PIEZO2: variants seen among roughly 807,000 people sequenced by gnomAD.
PIEZO2 encodes the protein piezo-type mechanosensitive ion channel component 2.
PIEZO2 carries 172 observed loss-of-function variants against 337.3 expected under a neutral mutation model. That is an observed-to-expected ratio of 0.51 (90% CI 0.45 to 0.58). The LOEUF (loss-of-function observed/expected upper bound fraction) is 0.58. Among genes scored for constraint, PIEZO2 ranks in the 20% least tolerant of loss-of-function variants. PIEZO2 has a pLI of 0.00. For synonymous variants in PIEZO2, 1,251 were observed against 1,228.5 expected (o/e 1.02, Z -0.38); for missense variants, 3,028 against 3,391.3 (o/e 0.89, Z 2.66).
At chr18:10,797,007 T>C (rs1044854119) in intron 12 of PIEZO2, among the ~76,000 whole-genome samples, 1 of 151,864 alleles carries the variant, frequency 6.6e-6, no homozygotes, top group Non-Finnish European at 1.5e-5. Context: ...CATACCGTCA[T>C]AGCATACATA....
At position 10,677,539 on chromosome 18, in the gene PIEZO2, G is replaced by A. The variant is rs182920187; in HGVS notation, c.8081+208C>T. The A allele has an allele frequency of 4.3e-4, 213 of 499,242 alleles. 1 individual carries two copies. The highest frequency in any genetic ancestry group is 6.4e-4 in the Non-Finnish European group (190 of 294,702). The allele number at this position is 499,242 out of a possible 1,614,324, so 30.9% of individuals were successfully genotyped here. ...GGCCCAAACCCTCATTTGGAACATA[G>A]ACATAACCCTGGGGACAGTGGACAG... On this transcript the variant is annotated intron_variant, in intron 53 of 55. Transcript: ENST00000674853. The surrounding 1 kb of genome is among the most constrained non-coding windows in gnomAD (Gnocchi z 4.1).
intron 3 of PIEZO2, among the ~76,000 whole-genome samples, chr18:10,912,099 A>G (rs1242097891): frequency 6.6e-6 from 1 of 152,104 alleles, no homozygotes; most frequent in Non-Finnish European, 1.5e-5. Context: ...AAGAACACAA[A>G]AATGCTATTC....
In PIEZO2 at chr18:11,021,553, T is replaced by C. The variant is rs140033824; in HGVS notation, c.161-41893A>G. On this transcript the variant is annotated intron_variant, in intron 2 of 55. Transcript: ENST00000674853. The surrounding 1 kb of genome is among the most constrained non-coding windows in gnomAD (Gnocchi z 4.7). Reference sequence around the variant, plus strand: ...CAGCCGCCAATGGCGTTTAGTCTCCTTGTGAATTCGTGAGGAGGAACACAG... The same window carrying C: ...CAGCCGCCAATGGCGTTTAGTCTCCCTGTGAATTCGTGAGGAGGAACACAG... Among the ~76,000 whole-genome samples, 388 of 152,270 alleles carry C rather than the reference T, an allele frequency of 2.5e-3. 1 individual carries two copies. The highest frequency in any genetic ancestry group is 8.7e-3 in the African/African-American group (363 of 41,558).
chr18:10,876,490 T>TAGAGAAGGTG (rs2042272394), intron 4 of PIEZO2, among the ~76,000 whole-genome samples: 1 of 152,198 alleles, frequency 6.6e-6, no homozygotes, highest in Non-Finnish European at 1.5e-5. Flanking sequence ...ATGTACATAA[T>TAGAGAAGGTG]TATACACCTA....
intron 3 of PIEZO2, among the ~76,000 whole-genome samples, chr18:10,959,812 T>C (rs558302539): frequency 2.0e-5 from 3 of 152,332 alleles, no homozygotes; most frequent in African/African-American, 7.2e-5. Flanking sequence ...TAAAGTTAAA[T>C]AAATTACGTA....
chr18:11,021,034 G>A lies in PIEZO2; in HGVS notation c.161-41374C>T, dbSNP rs1460459836. Among the ~76,000 whole-genome samples, 3 of 152,192 alleles carry A rather than the reference G, an allele frequency of 2.0e-5. No individual in the cohort carries two copies. The highest frequency in any genetic ancestry group is 7.2e-5 in the African/African-American group (3 of 41,452). ...GTCGACATTCCTGCTCAGCAGAAAAGCACTAACCCTCATGGAGTCACTGTA... is the reference window on the plus strand; with the variant it reads ...GTCGACATTCCTGCTCAGCAGAAAAACACTAACCCTCATGGAGTCACTGTA... On this transcript the variant is annotated intron_variant, in intron 2 of 55. Transcript: ENST00000674853. The surrounding 1 kb of genome is among the most constrained non-coding windows in gnomAD (Gnocchi z 4.7).
chr18:11,017,318 G>A (rs1392376852), intron 2 of PIEZO2, among the ~76,000 whole-genome samples: 2 of 152,116 alleles, frequency 1.3e-5, no homozygotes, highest in Non-Finnish European at 2.9e-5. Context: ...TAAGAAGAGA[G>A]TTCTTCAAGA....
chr18:10,862,570 T>C lies in PIEZO2; in HGVS notation c.493-5359A>G, dbSNP rs2041904179. Among the ~76,000 whole-genome samples, 1 of 152,198 alleles carries C rather than the reference T, an allele frequency of 6.6e-6. No individual in the cohort carries two copies. The highest frequency in any genetic ancestry group is 2.1e-4 in the South Asian group (1 of 4,824). On this transcript the variant is annotated intron_variant, in intron 5 of 55. Transcript: ENST00000674853. This position sits in a 1 kb window ranked among gnomAD's most constrained non-coding sequence, Gnocchi z 4.4. Reference sequence around the variant, plus strand: ...AGAAGACACAATAAATCACTTTTGGTAGGACACAAACATCCATGTTTCATT... The same window carrying C: ...AGAAGACACAATAAATCACTTTTGGCAGGACACAAACATCCATGTTTCATT...
rs989665726 is a variant in PIEZO2, at chr18:10,862,273, G to A, written c.493-5062C>T. 6.6e-6 allele frequency among the ~76,000 whole-genome samples: 1 copy of A among 152,068 alleles called. No individual in the cohort carries two copies. Among genetic ancestry groups the A allele is most frequent in the Non-Finnish European group, 1.5e-5 (1 of 68,020 alleles). On this transcript the variant is annotated intron_variant, in intron 5 of 55. Coordinates refer to ENST00000674853, the MANE Select transcript of PIEZO2 (RefSeq NM_001378183.1). This position sits in a 1 kb window ranked among gnomAD's most constrained non-coding sequence, Gnocchi z 4.4. ...CTGGAAAACATAGATAAAAGTTGCT[G>A]ATTTCAACATTTGATAACATGTATT...
Position 10,705,673 on chromosome 18 carries a change from G to GCTCAGCCTCCACCTCCTC in PIEZO2, c.5644_5661dup (p.Glu1882_Glu1887dup), listed in dbSNP as rs1313546982. 8 of 1,536,904 alleles carry GCTCAGCCTCCACCTCCTC rather than the reference G, an allele frequency of 5.2e-6. No individual in the cohort carries two copies. Among genetic ancestry groups the GCTCAGCCTCCACCTCCTC allele is most frequent in the Non-Finnish European group, 6.1e-6 (7 of 1,146,868 alleles). ...GCCGTGCTCCCTGCCTCCTCCTCCT[G>GCTCAGCCTCCACCTCCTC]CTCAGCCTCCACCTCCTCGATGGTC... On this transcript the variant is annotated inframe_insertion, in exon 41 of 56. Coordinates refer to ENST00000674853, the MANE Select transcript of PIEZO2 (RefSeq NM_001378183.1).
At chr18:10,848,638 A>C (rs2041440129) in intron 7 of PIEZO2, among the ~76,000 whole-genome samples, 1 of 152,190 alleles carries the variant, frequency 6.6e-6, no homozygotes, top group Admixed American at 6.5e-5. Context: ...AAAACAACAA[A>C]CTGAACTTGA....
chr18:11,050,281 T>A, intron 2 of PIEZO2, among the ~76,000 whole-genome samples: 1 of 152,126 alleles, frequency 6.6e-6, no homozygotes, highest in Non-Finnish European at 1.5e-5. Flanking sequence ...TATGACATAA[T>A]AAAACATAAT....
rs756733863 is a variant in PIEZO2 at position 11,127,361 on chromosome 18, T to C, written c.64+21164A>G. On this transcript the variant is annotated intron_variant, in intron 1 of 55. Coordinates refer to ENST00000674853, the MANE Select transcript of PIEZO2 (RefSeq NM_001378183.1). This position sits in a 1 kb window ranked among gnomAD's most constrained non-coding sequence, Gnocchi z 4.5. ...TGATTGGATTGAAGGATACGATGTA[T>C]TGATCCTGGGTGTGTCTGGGAGGGT... 9.2e-5 allele frequency among the ~76,000 whole-genome samples: 14 copies of C among 152,186 alleles called. No individual in the cohort carries two copies. Among genetic ancestry groups the C allele is most frequent in the Admixed American group, 2.6e-4 (4 of 15,280 alleles).
At chr18:10,719,021 A>G (rs1471715705) in intron 36 of PIEZO2, among the ~76,000 whole-genome samples, 1 of 150,862 alleles carries the variant, frequency 6.6e-6, no homozygotes, top group Non-Finnish European at 1.5e-5. Flanking sequence ...AAATAAATAA[A>G]TAAATTTGCT....
rs973982490 is a variant in PIEZO2 at position 10,713,268 on chromosome 18, G to A, written c.5423+1496C>T. 9.9e-5 allele frequency among the ~76,000 whole-genome samples: 15 copies of A among 151,796 alleles called. No homozygotes were observed. Among genetic ancestry groups the A allele is most frequent in the African/African-American group, 3.6e-4 (15 of 41,330 alleles). ...GGATCTGCCTCAATAATAATTATTG[G>A]GTAGCAAAATAATTGGCATAATTAG... On this transcript the variant is annotated intron_variant, in intron 39 of 55. Coordinates refer to ENST00000674853, the MANE Select transcript of PIEZO2 (RefSeq NM_001378183.1). The surrounding 1 kb of genome is among the most constrained non-coding windows in gnomAD (Gnocchi z 4.5).
At chr18:10,999,184 CAA>C (rs35723374) in intron 2 of PIEZO2, among the ~76,000 whole-genome samples, 130 of 111,606 alleles carry the variant, frequency 1.2e-3, no homozygotes, top group Admixed American at 2.0e-3. Context: ...AAGGCAACAG[CAA>C]AAAAAAAAAA....
At chr18:10,865,289 A>AT (rs2041976415) in intron 5 of PIEZO2, among the ~76,000 whole-genome samples, 1 of 152,206 alleles carries the variant, frequency 6.6e-6, no homozygotes, top group Admixed American at 6.5e-5. Context: ...GCATAATTTA[A>AT]TTTTAATTAT....
chr18:11,144,281 CT>C (rs958656445), intron 1 of PIEZO2, among the ~76,000 whole-genome samples: 1 of 152,162 alleles, frequency 6.6e-6, no homozygotes, highest in Non-Finnish European at 1.5e-5. Flanking sequence ...ATTTCCAATC[CT>C]TTCCACTGTT....
At chr18:10,938,922 T>C (rs1254370323) in intron 3 of PIEZO2, among the ~76,000 whole-genome samples, 1 of 151,888 alleles carries the variant, frequency 6.6e-6, no homozygotes, top group Non-Finnish European at 1.5e-5. Context: ...TTGTCTCTGC[T>C]AAAAATACAA....
Sources: gnomAD v4.1 joint callset for allele counts (sites outside exome capture counted in the v4.1 genomes callset) on GRCh38, gnomAD v4.1.1 for gene constraint, Gnocchi (gnomAD v3.1) non-coding constraint, MANE v1.5 for transcripts, NCBI Gene and HGNC (gene_info 2026-07-23, HGNC 2026-07-21) for gene names.